The following LRRC37A2 variants were observed in gnomAD, a reference collection of about 807,000 sequenced individuals.
The protein encoded by LRRC37A2 is leucine rich repeat containing 37 member A2.
In LRRC37A2, 9 loss-of-function variants were observed where a neutral mutation model predicts 68.8. The ratio of observed to expected loss-of-function variants is 0.13; its 90% CI spans 0.08 to 0.23. The LOEUF is 0.23. Ranked by LOEUF, LRRC37A2 falls within the 10% of genes least tolerant of loss-of-function variation. LRRC37A2 has a pLI of 1.00. For synonymous variants in LRRC37A2, 63 were observed against 367.6 expected, an observed-to-expected ratio of 0.17 and a Z score of 9.48; for missense variants, 168 against 950.4, an observed-to-expected ratio of 0.18 and a Z score of 10.82.
At chr17:46,852,537 G>T in the LRRC37A2 span, among the ~76,000 whole-genome samples, 1 of 150,862 alleles carries the variant, frequency 6.6e-6, no homozygotes, top group Non-Finnish European at 1.5e-5. Context: ...AACTATGTGG[G>T]GAATGTTTGG....
chr17:46,831,233 T>C, the LRRC37A2 span, among the ~76,000 whole-genome samples: 2 of 152,156 alleles, frequency 1.3e-5, no homozygotes, highest in East Asian at 3.9e-4. Context: ...TCAGGGCATC[T>C]TGGTTGGCCA....
chr17:47,019,170 C>A, the LRRC37A2 span: 2 of 1,364,898 alleles, frequency 1.5e-6, no homozygotes, highest in East Asian at 4.6e-5. Context: ...ACACCTGACT[C>A]GAGCCACAGT....
At chr17:46,894,627 C>T in the LRRC37A2 span, among the ~76,000 whole-genome samples, 10 of 152,308 alleles carry the variant, frequency 6.6e-5, no homozygotes, top group South Asian at 1.7e-3. Context: ...GGACAGAGGG[C>T]TTGGCTGACA....
chr17:46,474,005 T>C, the LRRC37A2 span, among the ~76,000 whole-genome samples: 1 of 108,732 alleles, frequency 9.2e-6, no homozygotes, highest in Non-Finnish European at 2.1e-5. Flanking sequence ...ATCCGTATGT[T>C]GTCATATTTA....
the LRRC37A2 span, among the ~76,000 whole-genome samples, chr17:46,585,010 A>C: frequency 7.3e-5 from 5 of 68,674 alleles, no homozygotes; most frequent in African/African-American, 1.2e-4. Context: ...CCTGCCCTTA[A>C]GAGAATCCTT....
At chr17:46,800,795 A>G in the LRRC37A2 span, among the ~76,000 whole-genome samples, 1 of 152,168 alleles carries the variant, frequency 6.6e-6, no homozygotes, top group African/African-American at 2.4e-5. Context: ...CAGGTGACTT[A>G]CAGTCTAGTC....
At chr17:46,535,105 GCTGGTATCCAACTC>G (rs1208349544) in intron 6 of LRRC37A2, among the ~76,000 whole-genome samples, 1 of 148,344 alleles carries the variant, frequency 6.7e-6, no homozygotes, top group Non-Finnish European at 1.5e-5. Flanking sequence ...TATTGCCAGT[GCTGGTATCCAACTC>G]CTGGCTTCAA....
the LRRC37A2 span, among the ~76,000 whole-genome samples, chr17:46,678,698 A>T: frequency 8.9e-6 from 1 of 112,578 alleles, no homozygotes; most frequent in Admixed American, 9.5e-5. Context: ...CTCTACATAT[A>T]TAGGCATTAT....
the LRRC37A2 span, chr17:46,939,619 A>G: frequency 5.1e-6 from 5 of 985,618 alleles, no homozygotes; most frequent in Non-Finnish European, 4.8e-6. Context: ...TAGTTTTAGT[A>G]TCTCTAATTC....
the LRRC37A2 span, chr17:46,872,603 G>A: frequency 6.2e-7 from 1 of 1,612,646 alleles, no homozygotes; most frequent in African/African-American, 1.3e-5. Flanking sequence ...CTGAAGCAGT[G>A]TGACCTGCTG....
the LRRC37A2 span, among the ~76,000 whole-genome samples, chr17:46,880,000 C>A: frequency 6.6e-6 from 1 of 152,206 alleles, no homozygotes; most frequent in Non-Finnish European, 1.5e-5. Context: ...TTTGATTGCT[C>A]TCATTTGTGT....
At chr17:46,923,101 C>A in the LRRC37A2 span, 3 of 890,634 alleles carry the variant, frequency 3.4e-6, no homozygotes, top group Non-Finnish European at 5.5e-6. Flanking sequence ...GAGGGAGGGT[C>A]CTGCGACCGG....
the LRRC37A2 span, chr17:46,749,866 C>T: frequency 1.9e-6 from 3 of 1,614,072 alleles, no homozygotes; most frequent in Non-Finnish European, 2.5e-6. Context: ...CATCCACGTG[C>T]CCAACATTGC....
chr17:46,979,116 T>G, the LRRC37A2 span: 1 of 1,132,932 alleles, frequency 8.8e-7, no homozygotes, highest in Non-Finnish European at 1.1e-6. Context: ...GCTCCTGCGG[T>G]ACGGGGAGGG....
the LRRC37A2 span, among the ~76,000 whole-genome samples, chr17:46,876,057 T>G: frequency 3.9e-5 from 6 of 152,336 alleles, no homozygotes; most frequent in South Asian, 1.0e-3. Context: ...GAACTGGGAC[T>G]GCTGTGTTCA....
chr17:46,790,781 G>A, the LRRC37A2 span, among the ~76,000 whole-genome samples: 5 of 152,220 alleles, frequency 3.3e-5, 1 homozygote, highest in South Asian at 8.3e-4. Flanking sequence ...ATTTGGGCAC[G>A]CCCCTCCGTT....
chr17:46,943,664 A>ATC, the LRRC37A2 span, among the ~76,000 whole-genome samples: 1 of 152,290 alleles, frequency 6.6e-6, no homozygotes, highest in African/African-American at 2.4e-5. Flanking sequence ...ACTTGAGCCC[A>ATC]TCCCCCATGC....
At chr17:46,769,820 G>A in the LRRC37A2 span, 1 of 1,612,874 alleles carries the variant, frequency 6.2e-7, no homozygotes, top group South Asian at 1.1e-5. Flanking sequence ...GTTCATGGCC[G>A]AGCGCGCGTC....
chr17:46,417,053 GTGCCAC>G, the LRRC37A2 span, among the ~76,000 whole-genome samples: 1 of 150,108 alleles, frequency 6.7e-6, no homozygotes, highest in African/African-American at 2.5e-5. Flanking sequence ...AGTTGAGATC[GTGCCAC>G]TGCACTCCAG....
Sources: gnomAD v4.1 joint callset for allele counts (sites outside exome capture counted in the v4.1 genomes callset) on GRCh38, gnomAD v4.1.1 for gene constraint, MANE v1.5 for transcripts, NCBI Gene and HGNC (gene_info 2026-07-23, HGNC 2026-07-21) for gene names.